Variants in NAALADL2 observed in about 807,000 individuals in gnomAD.
NAALADL2 encodes inactive N-acetylated-alpha-linked acidic dipeptidase-like protein 2.
NAALADL2 carries 76 observed loss-of-function variants against 87.2 expected under a neutral mutation model. That is an observed-to-expected ratio of 0.87 (90% CI 0.72 to 1.05). The LOEUF (loss-of-function observed/expected upper bound fraction) is 1.05. Among genes scored for constraint, NAALADL2 ranks in the 50% least tolerant of loss-of-function variants. The pLI, the probability that NAALADL2 is intolerant of heterozygous loss-of-function variation, is 0.00. For missense variants in NAALADL2, 1,089 were observed against 945.8 expected (o/e 1.15, Z -1.99); for synonymous variants, 354 against 331.0 (o/e 1.07, Z -0.75).
intron 4 of NAALADL2, among the ~76,000 whole-genome samples, chr3:175,290,612 C>G (rs1375153011): frequency 6.6e-6 from 1 of 152,162 alleles, no homozygotes; most frequent in Non-Finnish European, 1.5e-5. Context: ...AAAATTATAT[C>G]TTAACCCATT....
At chr3:174,521,571 C>CA (rs58465181) in intron 1 of NAALADL2, among the ~76,000 whole-genome samples, 779 of 56,124 alleles carry the variant, frequency 0.014, 23 homozygotes, top group African/African-American at 0.024. Context: ...GACCCTGTCT[C>CA]AAAAAAAAAA....
intron 1 of NAALADL2, among the ~76,000 whole-genome samples, chr3:174,911,959 G>A (rs1397516369): frequency 6.6e-6 from 1 of 152,030 alleles, no homozygotes; most frequent in Admixed American, 6.6e-5. Flanking sequence ...TTCCACTAGG[G>A]CTGGAAATTG....
chr3:175,409,137 T>G (rs1560504724), intron 5 of NAALADL2, among the ~76,000 whole-genome samples: 1 of 151,948 alleles, frequency 6.6e-6, no homozygotes, highest in Non-Finnish European at 1.5e-5. Context: ...CTCTAGGTGT[T>G]TCCTTTTCTA....
chr3:174,699,176 C>T (rs1176262459), intron 2 of NAALADL2, among the ~76,000 whole-genome samples: 4 of 152,032 alleles, frequency 2.6e-5, no homozygotes. Context: ...CTTTATCATC[C>T]ACTTATTTTA....
intron 1 of NAALADL2, among the ~76,000 whole-genome samples, chr3:175,007,035 T>C (rs1749127086): frequency 6.6e-6 from 1 of 150,626 alleles, no homozygotes; most frequent in Admixed American, 6.7e-5. Flanking sequence ...ATTATCTTAA[T>C]AGAAAACTAG....
chr3:174,598,203 C>A (rs978400275), intron 2 of NAALADL2, among the ~76,000 whole-genome samples: 2 of 152,110 alleles, frequency 1.3e-5, no homozygotes, highest in African/African-American at 4.8e-5. Flanking sequence ...AAATAAAGAT[C>A]CTAATAAACT....
intron 2 of NAALADL2, among the ~76,000 whole-genome samples, chr3:175,099,817 T>C (rs2108398985): frequency 6.6e-6 from 1 of 152,262 alleles, no homozygotes; most frequent in South Asian, 2.1e-4. Context: ...TATAAGAGAA[T>C]GGACTAAACT....
At chr3:174,866,398 A>C (rs1237211726) in intron 1 of NAALADL2, among the ~76,000 whole-genome samples, 1 of 151,834 alleles carries the variant, frequency 6.6e-6, no homozygotes, top group Non-Finnish European at 1.5e-5. Context: ...AAAATTTCAA[A>C]CCTATAGTAA....
At chr3:175,406,837 G>T (rs540843868) in intron 5 of NAALADL2, among the ~76,000 whole-genome samples, 1 of 151,148 alleles carries the variant, frequency 6.6e-6, no homozygotes, top group African/African-American at 2.4e-5. Flanking sequence ...TTTTGTTATG[G>T]CTTCCTGGTT....
chr3:174,797,958 A>G (rs1287997975), intron 3 of NAALADL2, among the ~76,000 whole-genome samples: 1 of 152,152 alleles, frequency 6.6e-6, no homozygotes, highest in Non-Finnish European at 1.5e-5. Context: ...ATTTACTTCT[A>G]TGTATGTATC....
chr3:175,630,360 A>T (rs1389378837), intron 11 of NAALADL2, among the ~76,000 whole-genome samples: 1 of 151,818 alleles, frequency 6.6e-6, no homozygotes, highest in Non-Finnish European at 1.5e-5. Context: ...TACGACAAAA[A>T]GGAATACGCT....
intron 2 of NAALADL2, among the ~76,000 whole-genome samples, chr3:174,669,579 T>C (rs1726324704): frequency 6.6e-6 from 1 of 152,110 alleles, no homozygotes; most frequent in Non-Finnish European, 1.5e-5. Flanking sequence ...CTAGGTTCTT[T>C]ATTCTGTTTC....
At chr3:175,541,810 C>T (rs1318537593) in intron 9 of NAALADL2, among the ~76,000 whole-genome samples, 3 of 152,134 alleles carry the variant, frequency 2.0e-5, no homozygotes, top group African/African-American at 7.2e-5. Flanking sequence ...GCAACCTTTG[C>T]CTCCCAGGTT....
chr3:174,695,904 T>A (rs1324781495), intron 2 of NAALADL2, among the ~76,000 whole-genome samples: 2 of 151,972 alleles, frequency 1.3e-5, no homozygotes, highest in Admixed American at 6.6e-5. Context: ...TTGAGCAGAT[T>A]TTTGACTGTC....
At chr3:174,971,427 A>G (rs1267237443) in intron 1 of NAALADL2, among the ~76,000 whole-genome samples, 1 of 152,142 alleles carries the variant, frequency 6.6e-6, no homozygotes, top group Non-Finnish European at 1.5e-5. Context: ...TTCACCTTTT[A>G]TATTTGTTTA....
chr3:174,755,717 CAA>C (rs1393571016), intron 3 of NAALADL2, among the ~76,000 whole-genome samples: 2 of 152,158 alleles, frequency 1.3e-5, no homozygotes, highest in Non-Finnish European at 2.9e-5. Flanking sequence ...AATCGTAAAT[CAA>C]AGAGTTCATC....
chr3:175,202,417 G>A (rs1416167559), intron 2 of NAALADL2, among the ~76,000 whole-genome samples: 1 of 152,182 alleles, frequency 6.6e-6, no homozygotes, highest in East Asian at 1.9e-4. Context: ...GCTGTTTAAT[G>A]CTGGATAAAG....
chr3:175,600,325 A>G lies in NAALADL2; in HGVS notation c.1800+24138A>G, dbSNP rs557793952. ...AAATTTCTTAAGTTTCTGAAGAATC[A>G]CATCTTATTGCATAGCAGATGTTTT... On this transcript the variant is annotated intron_variant, in intron 10 of 13. Transcript: ENST00000454872. Among the ~76,000 whole-genome samples, 5 of 151,932 alleles carry G rather than the reference A, an allele frequency of 3.3e-5. No individual in the cohort carries two copies. In the South Asian group the frequency reaches 1.0e-3, roughly 32 times the overall value.
intron 5 of NAALADL2, among the ~76,000 whole-genome samples, chr3:175,346,190 C>G (rs1338204898): frequency 6.6e-6 from 1 of 151,748 alleles, no homozygotes; most frequent in African/African-American, 2.4e-5. Flanking sequence ...AAACAGTATA[C>G]AAAAATATGA....
Sources: allele counts gnomAD v4.1 joint callset (sites outside exome capture counted in the v4.1 genomes callset), GRCh38; gene constraint gnomAD v4.1.1; transcripts MANE v1.5; gene names NCBI Gene and HGNC (gene_info 2026-07-23, HGNC 2026-07-21).